ATXN1: variants seen among roughly 807,000 people sequenced by gnomAD.
ATXN1 encodes the protein ataxin 1.
ATXN1 carries 8 observed loss-of-function variants against 56.4 expected under a neutral mutation model. That is an observed-to-expected ratio of 0.14 (90% CI 0.08 to 0.26). ATXN1 has a LOEUF of 0.26. Among genes scored for constraint, ATXN1 ranks in the 10% least tolerant of loss-of-function variants. The pLI, the probability that ATXN1 is intolerant of heterozygous loss-of-function variation, is 1.00. For missense variants in ATXN1, 987 were observed against 1,106.5 expected (o/e 0.89, Z 1.53); for synonymous variants, 514 against 494.6 (o/e 1.04, Z -0.52).
At chr6:16,474,835 T>TAC (rs80085771) in intron 6 of ATXN1, among the ~76,000 whole-genome samples, 1,879 of 147,002 alleles carry the variant, frequency 0.013, 18 homozygotes, top group Admixed American at 0.033. Flanking sequence ...TGTGTGTGCA[T>TAC]ACACACACAC....
At chr6:16,699,034 C>CAGA (rs1168054973) in intron 2 of ATXN1, among the ~76,000 whole-genome samples, 1 of 152,224 alleles carries the variant, frequency 6.6e-6, no homozygotes, top group Non-Finnish European at 1.5e-5. Flanking sequence ...TCTGCTCTTC[C>CAGA]AAAGAAAAAT....
intron 7 of ATXN1, among the ~76,000 whole-genome samples, chr6:16,311,852 A>AAGACTCTC (rs1760398328): frequency 6.6e-6 from 1 of 152,242 alleles, no homozygotes; most frequent in African/African-American, 2.4e-5. Context: ...TCTGTCTCGT[A>AAGACTCTC]AGACTCTCTA....
chr6:16,522,234 G>C (rs1294373209), intron 5 of ATXN1, among the ~76,000 whole-genome samples: 2 of 152,064 alleles, frequency 1.3e-5, no homozygotes, highest in African/African-American at 4.8e-5. Flanking sequence ...CTCATATCCT[G>C]TTATTCTTGG....
intron 4 of ATXN1, among the ~76,000 whole-genome samples, chr6:16,553,351 T>C (rs1002854580): frequency 2.6e-5 from 4 of 152,188 alleles, no homozygotes; most frequent in African/African-American, 9.7e-5. Context: ...CCTGTCCGGG[T>C]TCAGGAAACT....
chr6:16,667,697 G>C (rs941477173), intron 2 of ATXN1: 2 of 152,212 alleles, frequency 1.3e-5, no homozygotes, highest in African/African-American at 2.4e-5. Context: ...GTAAGGCAAG[G>C]AGCTATGTAG....
intron 7 of ATXN1, among the ~76,000 whole-genome samples, chr6:16,320,341 C>T (rs1211378200): frequency 1.3e-5 from 2 of 152,174 alleles, no homozygotes; most frequent in Non-Finnish European, 2.9e-5. Context: ...CCAGGACAGT[C>T]GGGAGGAGGA....
chr6:16,470,548 C>T (rs1362599463), intron 6 of ATXN1, among the ~76,000 whole-genome samples: 1 of 152,078 alleles, frequency 6.6e-6, no homozygotes, highest in African/African-American at 2.4e-5. Flanking sequence ...AACTTACATG[C>T]AAAGTTATCT....
At chr6:16,725,257 T>C (rs1418001467) in intron 2 of ATXN1, among the ~76,000 whole-genome samples, 2 of 152,196 alleles carry the variant, frequency 1.3e-5, no homozygotes, top group African/African-American at 4.8e-5. Flanking sequence ...TTTTCTGTGT[T>C]TATTTAGGTT....
chr6:16,652,804 C>CT (rs1464229232), intron 3 of ATXN1: 1 of 152,168 alleles, frequency 6.6e-6, no homozygotes, highest in Non-Finnish European at 1.5e-5. Context: ...GCAAACTGGG[C>CT]TTTTTTCCTT....
intron 4 of ATXN1, among the ~76,000 whole-genome samples, chr6:16,537,437 G>A (rs994958371): frequency 1.3e-5 from 2 of 152,046 alleles, no homozygotes; most frequent in South Asian, 4.2e-4. Flanking sequence ...GGGCGCGGTG[G>A]CTCACGCATG....
intron 3 of ATXN1, among the ~76,000 whole-genome samples, chr6:16,611,241 TC>T (rs1313916086): frequency 6.6e-6 from 1 of 152,212 alleles, no homozygotes; most frequent in African/African-American, 2.4e-5. Context: ...GTTAATCTTA[TC>T]TTATACAGGG....
chr6:16,626,957 A>G (rs1763417602), intron 3 of ATXN1, among the ~76,000 whole-genome samples: 1 of 152,150 alleles, frequency 6.6e-6, no homozygotes, highest in Non-Finnish European at 1.5e-5. Context: ...CTGTCTCTAG[A>G]ATCATAAGAA....
rs1424319451 is a variant in ATXN1 at position 16,306,762 on chromosome 6, G to A, written c.2015C>T (p.Pro672Leu). 3 of 1,614,104 alleles carry A rather than the reference G, an allele frequency of 1.9e-6. No homozygotes were observed. Among genetic ancestry groups the A allele is most frequent in the East Asian group, 2.2e-5 (1 of 44,882 alleles). The change falls in exon 8 of 8, where the codon CCG becomes CTG. Residue 672 changes from proline to leucine, a missense_variant. Coordinates refer to ENST00000436367, the MANE Select transcript of ATXN1 (RefSeq NM_001128164.2). This position sits in a 1 kb window ranked among gnomAD's most constrained non-coding sequence, Gnocchi z 5.2. ...ATCCCCAACTGAGAGTTTGGAACAC[G>A]GCAAATCAAAGAGCTGGCTGGTTCT... ...PERTSQLFDL[P>L]CSKLSVGDVC...
chr6:16,389,269 G>A (rs1192204134), intron 6 of ATXN1, among the ~76,000 whole-genome samples: 4 of 149,384 alleles, frequency 2.7e-5, no homozygotes, highest in African/African-American at 1.0e-4. Context: ...CCCGGGAGGC[G>A]GAGGTTGTAG....
intron 5 of ATXN1, among the ~76,000 whole-genome samples, chr6:16,496,325 T>C (rs1347512864): frequency 6.6e-6 from 1 of 152,248 alleles, no homozygotes; most frequent in Non-Finnish European, 1.5e-5. Context: ...ATCTAGGGAT[T>C]ACCTGTTGAA....
At chr6:16,702,535 G>A (rs374203947) in intron 2 of ATXN1, among the ~76,000 whole-genome samples, 7 of 152,200 alleles carry the variant, frequency 4.6e-5, no homozygotes, top group South Asian at 4.1e-4. Flanking sequence ...AACTACCATC[G>A]GAGTGAACAG....
At chr6:16,401,286 T>A (rs1455288093) in intron 6 of ATXN1, among the ~76,000 whole-genome samples, 1 of 152,154 alleles carries the variant, frequency 6.6e-6, no homozygotes, top group South Asian at 2.1e-4. Flanking sequence ...TTGTTCTTCA[T>A]AAAAGATTCA....
At chr6:16,563,558 A>G (rs1365593281) in intron 4 of ATXN1, among the ~76,000 whole-genome samples, 3 of 152,148 alleles carry the variant, frequency 2.0e-5, no homozygotes, top group African/African-American at 7.2e-5. Flanking sequence ...AGTTCTGAGG[A>G]AGAGAGGGAA....
intron 6 of ATXN1, among the ~76,000 whole-genome samples, chr6:16,484,955 GTGT>G (rs1760513147): frequency 9.3e-6 from 1 of 108,108 alleles, no homozygotes; most frequent in African/African-American, 2.9e-5. Flanking sequence ...ATATGTGTGT[GTGT>G]GTGTGTGTGT....
Sources: allele counts gnomAD v4.1 joint callset (sites outside exome capture counted in the v4.1 genomes callset), GRCh38; gene constraint gnomAD v4.1.1; non-coding constraint Gnocchi (gnomAD v3.1); transcripts MANE v1.5; gene names NCBI Gene and HGNC (gene_info 2026-07-23, HGNC 2026-07-21).